The following ETV5 variants were observed in gnomAD, a reference collection of about 807,000 sequenced individuals.
The protein encoded by ETV5 is ETS translocation variant 5.
Under a neutral mutation model 70.0 loss-of-function variants are expected in ETV5, and 10 were observed. The ratio of observed to expected loss-of-function variants is 0.14; its 90% CI spans 0.09 to 0.24. The LOEUF (loss-of-function observed/expected upper bound fraction) is 0.24. Ranked by LOEUF, ETV5 falls within the 10% of genes least tolerant of loss-of-function variation. ETV5 has a pLI of 1.00. For missense variants in ETV5, 453 were observed against 651.2 expected, an observed-to-expected ratio of 0.70 and a Z score of 3.31; for synonymous variants, 216 against 242.2, an observed-to-expected ratio of 0.89 and a Z score of 1.01.
At chr3:186,082,328 A>G (rs1482673331) in intron 5 of ETV5, among the ~76,000 whole-genome samples, 2 of 151,942 alleles carry the variant, frequency 1.3e-5, no homozygotes, top group Non-Finnish European at 2.9e-5. Flanking sequence ...ACCCAGTAAC[A>G]TTTTCATTTT....
chr3:186,102,630 T>C, intron 5 of ETV5, among the ~76,000 whole-genome samples: 1 of 81,780 alleles, frequency 1.2e-5, no homozygotes, highest in African/African-American at 4.9e-5. Flanking sequence ...AGCAAAACTC[T>C]CTCTCCAAAA....
chr3:186,081,023 T>C (rs1306782353), intron 6 of ETV5, 23 bp downstream of exon 6: 1 of 1,591,596 alleles, frequency 6.3e-7, no homozygotes, highest in Non-Finnish European at 8.6e-7. Context: ...GCAGCCTTTC[T>C]TCGACTCCTC....
At chr3:186,106,001 T>C in intron 1 of ETV5, 59 bp from the exon 2 acceptor site, 1 of 1,275,714 alleles carries the variant, frequency 7.8e-7, no homozygotes, top group Non-Finnish European at 1.1e-6. Context: ...AATGAAACAA[T>C]TTTAGACTGC....
At chr3:186,051,661 T>G (rs536665813) in intron 12 of ETV5, among the ~76,000 whole-genome samples, 5 of 152,346 alleles carry the variant, frequency 3.3e-5, no homozygotes, top group Admixed American at 3.3e-4. Context: ...ACTAAAGACT[T>G]CAATCAAGCT....
chr3:186,080,245 G>A (rs549618314), intron 6 of ETV5, 141 bp from the exon 7 acceptor site: 23 of 590,604 alleles, frequency 3.9e-5, no homozygotes, highest in Middle Eastern at 9.2e-4. Context: ...TCGTAGCCCC[G>A]AGGGGATATT....
chr3:186,088,344 C>T (rs1714105368), intron 5 of ETV5, among the ~76,000 whole-genome samples: 2 of 152,310 alleles, frequency 1.3e-5, no homozygotes, highest in African/African-American at 2.4e-5. Context: ...CCTCCCATTA[C>T]ACTTGAACAA....
intron 7 of ETV5, among the ~76,000 whole-genome samples, chr3:186,068,298 A>T (rs1713501738): frequency 6.6e-6 from 1 of 152,268 alleles, no homozygotes; most frequent in South Asian, 2.1e-4. Flanking sequence ...CATATTAAGG[A>T]AGGTTGCTAA....
At chr3:186,075,003 A>C (rs1713746947) in intron 7 of ETV5, among the ~76,000 whole-genome samples, 1 of 152,214 alleles carries the variant, frequency 6.6e-6, no homozygotes, top group African/African-American at 2.4e-5. Flanking sequence ...AGGCAGTATA[A>C]ATGTTTAATG....
chr3:186,050,499 G>C (rs950762915), intron 12 of ETV5, among the ~76,000 whole-genome samples: 1 of 152,190 alleles, frequency 6.6e-6, no homozygotes. Flanking sequence ...CTCTAAGGAG[G>C]ATAGAGGACA....
chr3:186,052,978 G>A lies in ETV5; in HGVS notation c.1210-847C>T, dbSNP rs959524755. On this transcript the variant is annotated intron_variant, in intron 11 of 12. Transcript: ENST00000306376. The surrounding 1 kb of genome is among the most constrained non-coding windows in gnomAD (Gnocchi z 4.5). Reference sequence around the variant, plus strand: ...CTGTCAAGGTAGTAGAATAACCCTGGAAATGTGAGTTTTACTCAGAGGTTT... The same window carrying A: ...CTGTCAAGGTAGTAGAATAACCCTGAAAATGTGAGTTTTACTCAGAGGTTT... 8.5e-5 allele frequency among the ~76,000 whole-genome samples: 13 copies of A among 152,076 alleles called. No homozygotes were observed. The highest frequency in any genetic ancestry group is 3.3e-4 in the Admixed American group (5 of 15,272).
At chr3:186,073,811 A>T (rs559834736) in intron 7 of ETV5, among the ~76,000 whole-genome samples, 1 of 152,346 alleles carries the variant, frequency 6.6e-6, no homozygotes, top group South Asian at 2.1e-4. Context: ...GCTATTAGCA[A>T]TCACTTCTAA....
intron 11 of ETV5, among the ~76,000 whole-genome samples, chr3:186,056,550 A>G (rs1482401504): frequency 6.6e-6 from 1 of 152,072 alleles, no homozygotes; most frequent in Non-Finnish European, 1.5e-5. Context: ...ACCCGGCCAT[A>G]ACACACCTTT....
Position 186,047,216 on chromosome 3 carries a change from C to T in ETV5, c.*1423G>A. 4.4e-6 allele frequency: 1 copy of T among 228,524 alleles called. No individual in the cohort carries two copies. Among genetic ancestry groups the T allele is most frequent in the Non-Finnish European group, 8.7e-6 (1 of 114,890 alleles). 14.2% of individuals were successfully genotyped at this position (228,524 alleles called of 1,614,324 possible). ...TACTTTGAGCTCAACTTTCACATAG[C>T]TTTAGCTTGGTTGTTTAAAACTTTT... On this transcript the variant is annotated 3_prime_UTR_variant, in exon 13 of 13. Transcript: ENST00000306376.
At position 186,057,709 on chromosome 3, in the gene ETV5, G is replaced by C. The variant is rs1304834860; in HGVS notation, c.971-218C>G. On this transcript the variant is annotated intron_variant, in intron 9 of 12. Transcript: ENST00000306376. The surrounding 1 kb of genome is among the most constrained non-coding windows in gnomAD (Gnocchi z 4.9). ...CTCAGTCAGAGCAGCATCAATTCCT[G>C]CTTTTACAGCTAAGACTGCAGGGAA... Among the ~76,000 whole-genome samples the C allele has an allele frequency of 1.3e-5, 2 of 152,132 alleles. No individual in the cohort carries two copies. The highest frequency in any genetic ancestry group is 2.9e-5 in the Non-Finnish European group (2 of 68,006).
intron 5 of ETV5, among the ~76,000 whole-genome samples, chr3:186,097,021 TA>T (rs892680735): frequency 3.3e-5 from 5 of 152,080 alleles, no homozygotes; most frequent in African/African-American, 1.2e-4. Flanking sequence ...CTTGGCCAAT[TA>T]ATCAATCAAT....
chr3:186,107,069 G>T, intron 1 of ETV5: 1 of 397,176 alleles, frequency 2.5e-6, no homozygotes, highest in Non-Finnish European at 3.4e-6. Flanking sequence ...CACACTGTGT[G>T]TAGCATATCA....
In ETV5 at chr3:186,047,334, TAA is replaced by T. The variant is rs1185052535; in HGVS notation, c.*1303_*1304del. 8.7e-6 allele frequency: 2 copies of T among 231,004 alleles called. No individual in the cohort carries two copies. Among genetic ancestry groups the T allele is most frequent in the African/African-American group, 4.4e-5 (2 of 45,196 alleles). The allele number at this position is 231,004 out of a possible 1,614,324, so 14.3% of individuals were successfully genotyped here. ...GTTGCTTACCTGTCAGTATCACACGTAAGTCTCAAACCCTACTGAATCACACA... is the reference window on the plus strand; with the variant it reads ...GTTGCTTACCTGTCAGTATCACACGTGTCTCAAACCCTACTGAATCACACA... On this transcript the variant is annotated 3_prime_UTR_variant, in exon 13 of 13. Transcript: ENST00000306376.
intron 7 of ETV5, among the ~76,000 whole-genome samples, chr3:186,075,486 T>C (rs949361716): frequency 6.6e-6 from 1 of 152,214 alleles, no homozygotes; most frequent in Non-Finnish European, 1.5e-5. Context: ...AACGAGTATA[T>C]AAAATCTCTT....
chr3:186,080,865 G>T, intron 6 of ETV5, 181 bp downstream of exon 6: 2 of 600,392 alleles, frequency 3.3e-6, no homozygotes, highest in South Asian at 2.5e-5. Context: ...TTTCTTTTGT[G>T]TGCAGTACAA....
Sources: gnomAD v4.1 joint callset for allele counts (sites outside exome capture counted in the v4.1 genomes callset) on GRCh38, gnomAD v4.1.1 for gene constraint, Gnocchi (gnomAD v3.1) non-coding constraint, MANE v1.5 for transcripts, NCBI Gene and HGNC (gene_info 2026-07-23, HGNC 2026-07-21) for gene names.